The following GALK2 variants were observed in gnomAD, a reference collection of about 807,000 sequenced individuals.
The protein encoded by GALK2 is N-acetylgalactosamine kinase.
GALK2 carries 36 observed loss-of-function variants against 52.4 expected under a neutral mutation model. That is an observed-to-expected ratio of 0.69 (90% CI 0.53 to 0.91). The LOEUF is 0.91. GALK2 is among the 40% of genes least tolerant of loss of function. The pLI is 0.00. For synonymous variants in GALK2, 176 were observed against 199.1 expected (o/e 0.88, Z 0.98); for missense variants, 579 against 559.1 (o/e 1.04, Z -0.36).
At chr15:49,166,570 T>C (rs2084829653), upstream of GALK2, among the ~76,000 whole-genome samples, 1 of 151,772 alleles carries the variant, frequency 6.6e-6, no homozygotes, top group Admixed American at 6.6e-5. Flanking sequence ...AATACAAAAA[T>C]TAAGTGGCAG....
At position 49,320,072 on chromosome 15, in the gene GALK2, G is replaced by A. The variant is rs192203388; in HGVS notation, c.1169+267G>A. Among the ~76,000 whole-genome samples, 13 of 152,236 alleles carry A rather than the reference G, an allele frequency of 8.5e-5. No individual in the cohort carries two copies. The East Asian group carries it at 1.2e-3, about 14-fold the overall frequency. ...TTTACATCATGAGAAAGACCTTTCC[G>A]TCTTTGGATGATTAGGCCTTTCAGG... On this transcript the variant is annotated intron_variant, in intron 9 of 9. Transcript: ENST00000560031.
intron 1 of GALK2, chr15:49,178,400 C>G: frequency 5.9e-6 from 1 of 170,486 alleles, no homozygotes; most frequent in Non-Finnish European, 1.2e-5. Flanking sequence ...TATGTGAATT[C>G]AGGACTCTTA....
intron 3 of GALK2, among the ~76,000 whole-genome samples, chr15:49,340,078 C>T (rs1409084651): frequency 6.6e-6 from 1 of 152,168 alleles, no homozygotes; most frequent in African/African-American, 2.4e-5. Flanking sequence ...CCCGCTGAGC[C>T]AGACCACTTG....
chr15:49,364,216 G>A lies in GALK2; in HGVS notation c.427-3275G>A, dbSNP rs2044728435. Among the ~76,000 whole-genome samples, 3 of 152,098 alleles carry A rather than the reference G, an allele frequency of 2.0e-5. No homozygotes were observed. The South Asian group carries it at 6.2e-4, about 32-fold the overall frequency. On this transcript the variant is annotated intron_variant, in intron 3 of 3. Transcript: ENST00000558399. Reference sequence around the variant, plus strand: ...CCAGCTCTTCTTTATATATCTGGTGGAATTCAGCTGTGAATCCATCTAGTC... The same window carrying A: ...CCAGCTCTTCTTTATATATCTGGTGAAATTCAGCTGTGAATCCATCTAGTC...
In GALK2 at chr15:49,230,153, C is replaced by T. The variant is rs539637526; in HGVS notation, c.267-5698C>T. Among the ~76,000 whole-genome samples the T allele has an allele frequency of 5.9e-5, 9 of 152,166 alleles. No homozygotes were observed. The East Asian group carries it at 1.2e-3, about 20-fold the overall frequency. ...AGCTGTTGATCCCCATGGCAGGATG[C>T]GGTCTAGTAGAGTCTGGGATCTCAG... On this transcript the variant is annotated intron_variant, in intron 3 of 9. Transcript: ENST00000560031.
intron 5 of GALK2, among the ~76,000 whole-genome samples, chr15:49,261,367 TTGTC>T (rs1305201259): frequency 8.9e-5 from 13 of 146,300 alleles, no homozygotes; most frequent in African/African-American, 3.3e-4. Context: ...AGCTGTCTGT[TTGTC>T]TGTTATTGGT....
chr15:49,191,950 C>T (rs1465962768), intron 1 of GALK2, among the ~76,000 whole-genome samples: 1 of 151,746 alleles, frequency 6.6e-6, no homozygotes, highest in Non-Finnish European at 1.5e-5. Context: ...TCACTATGGA[C>T]TCGGGTTTTT....
chr15:49,262,291 T>C (rs1003909104), intron 5 of GALK2, among the ~76,000 whole-genome samples: 6 of 152,196 alleles, frequency 3.9e-5, no homozygotes, highest in African/African-American at 9.6e-5. Context: ...CCTGGTTTAG[T>C]CTTGGGAGGG....
Position 49,187,971 on chromosome 15 carries a change from C to T in GALK2, c.54-13191C>T, listed in dbSNP as rs1042249197. Reference sequence around the variant, plus strand: ...TACCCATGCTTCAGGACAAAGTTCCCGTTAATCTTCCTTCTTTCCTCAAGC... The same window carrying T: ...TACCCATGCTTCAGGACAAAGTTCCTGTTAATCTTCCTTCTTTCCTCAAGC... On this transcript the variant is annotated intron_variant, in intron 1 of 9. Coordinates refer to ENST00000560031, the MANE Select transcript of GALK2 (RefSeq NM_002044.4). Among the ~76,000 whole-genome samples the T allele has an allele frequency of 5.9e-5, 9 of 152,138 alleles. No homozygotes were observed. In the South Asian group the frequency reaches 8.3e-4, roughly 14 times the overall value.
intron 8 of GALK2, among the ~76,000 whole-genome samples, chr15:49,299,764 TTTCTTTCTTTC>T (rs1567037586): frequency 7.4e-5 from 9 of 121,526 alleles, no homozygotes; most frequent in Admixed American, 1.6e-4. Flanking sequence ...TCTTTCTTTC[TTTCTTTCTTTC>T]TTTCTTTCTT....
chr15:49,181,985 T>A (rs1334150468), intron 1 of GALK2, among the ~76,000 whole-genome samples: 1 of 152,184 alleles, frequency 6.6e-6, no homozygotes, highest in African/African-American at 2.4e-5. Context: ...TATCATTTCT[T>A]TGTGTTATAA....
At chr15:49,176,460 G>T (rs2085467718) in intron 1 of GALK2, among the ~76,000 whole-genome samples, 1 of 152,096 alleles carries the variant, frequency 6.6e-6, no homozygotes, top group African/African-American at 2.4e-5. Flanking sequence ...TATTAAGTTT[G>T]CCTCACTTTT....
chr15:49,278,631 G>T (rs961715561), intron 5 of GALK2, among the ~76,000 whole-genome samples: 5 of 152,110 alleles, frequency 3.3e-5, no homozygotes, highest in Non-Finnish European at 7.4e-5. Flanking sequence ...CCTTATTATG[G>T]ATAGGAGGTA....
At chr15:49,189,909 G>T (rs1377286692) in intron 1 of GALK2, among the ~76,000 whole-genome samples, 1 of 152,078 alleles carries the variant, frequency 6.6e-6, no homozygotes. Flanking sequence ...GATAACCGAA[G>T]CCACAGAAAA....
At position 49,235,901 on chromosome 15, in the gene GALK2, T is replaced by G. The variant is rs753031753; in HGVS notation, c.317T>G (p.Leu106Trp). The change falls in exon 4 of 10, where the codon TTG becomes TGG. Residue 106 changes from leucine (L) to tryptophan (W), a missense_variant. Leu to Trp is a moderately conservative substitution (Grantham distance 61, BLOSUM62 -2). Coordinates refer to ENST00000560031, the MANE Select transcript of GALK2 (RefSeq NM_002044.4). ...ATCCAGATTGATAAAACCAAGCCTTTGTGGCACAACTATTTCTTATGTGGA... is the reference window on the plus strand; with the variant it reads ...ATCCAGATTGATAAAACCAAGCCTTGGTGGCACAACTATTTCTTATGTGGA... The part of the protein sequence containing the change: ...NNIQIDKTKP[L>W]WHNYFLCGLK... 8.7e-6 allele frequency: 14 copies of G among 1,613,790 alleles called. 1 individual carries two copies. The Admixed American group carries it at 2.2e-4, about 25-fold the overall frequency.
chr15:49,359,944 A>G (rs2043889737), intron 3 of GALK2, among the ~76,000 whole-genome samples: 1 of 150,428 alleles, frequency 6.6e-6, no homozygotes, highest in South Asian at 2.1e-4. Context: ...TTGTATGGAC[A>G]TGGATGAAAT....
At chr15:49,176,689 TG>T (rs2085487574) in intron 1 of GALK2, among the ~76,000 whole-genome samples, 1 of 152,192 alleles carries the variant, frequency 6.6e-6, no homozygotes, top group Non-Finnish European at 1.5e-5. Context: ...GAACTCTGCT[TG>T]GTCACATAGG....
intron 2 of GALK2, among the ~76,000 whole-genome samples, chr15:49,216,602 C>T (rs1268691777): frequency 1.3e-5 from 2 of 152,224 alleles, no homozygotes; most frequent in African/African-American, 2.4e-5. Context: ...GTACTTGTGG[C>T]CTGACAGCCA....
chr15:49,287,351 G>A (rs957446531), intron 7 of GALK2, among the ~76,000 whole-genome samples: 3 of 152,114 alleles, frequency 2.0e-5, no homozygotes, highest in Admixed American at 2.0e-4. Context: ...TATCAAGATG[G>A]AAAATGTTTT....
Sources: gnomAD v4.1 joint callset for allele counts (sites outside exome capture counted in the v4.1 genomes callset) on GRCh38, gnomAD v4.1.1 for gene constraint, MANE v1.5 for transcripts, NCBI Gene and HGNC (gene_info 2026-07-23, HGNC 2026-07-21) for gene names.